CDH13: variants seen among roughly 807,000 people sequenced by gnomAD.
The protein encoded by CDH13 is cadherin-13.
CDH13 carries 24 observed loss-of-function variants against 63.8 expected under a neutral mutation model. The ratio of observed to expected loss-of-function variants is 0.38; its 90% CI spans 0.27 to 0.53. The LOEUF (loss-of-function observed/expected upper bound fraction) is 0.53, where lower values mean the gene tolerates loss of function less well. Ranked by LOEUF, CDH13 falls within the 20% of genes least tolerant of loss-of-function variation. CDH13 has a pLI of 0.85. For missense variants in CDH13, 1,049 were observed against 903.1 expected, an observed-to-expected ratio of 1.16 and a Z score of -2.07; for synonymous variants, 503 against 355.3, an observed-to-expected ratio of 1.42 and a Z score of -4.67.
intron 5 of CDH13, among the ~76,000 whole-genome samples, chr16:83,322,969 C>A (rs1276715525): frequency 6.6e-6 from 1 of 152,090 alleles, no homozygotes; most frequent in Non-Finnish European, 1.5e-5. Context: ...CCCCATGGAA[C>A]ATACTACTCT....
At chr16:83,576,347 C>G (rs540576480) in intron 7 of CDH13, among the ~76,000 whole-genome samples, 7 of 152,326 alleles carry the variant, frequency 4.6e-5, no homozygotes, top group African/African-American at 1.2e-4. Flanking sequence ...TATTTCATCC[C>G]TTTTTATGGC....
At chr16:83,195,599 G>C (rs1326791379) in intron 4 of CDH13, among the ~76,000 whole-genome samples, 1 of 152,016 alleles carries the variant, frequency 6.6e-6, no homozygotes, top group East Asian at 1.9e-4. Context: ...CCACTAATGA[G>C]GAAACCCCCC....
chr16:83,523,098 A>G lies in CDH13; in HGVS notation c.960+36443A>G, dbSNP rs370323161. 6.6e-5 allele frequency among the ~76,000 whole-genome samples: 10 copies of G among 152,268 alleles called. No individual in the cohort carries two copies. The East Asian group carries it at 1.5e-3, about 23-fold the overall frequency. On this transcript the variant is annotated intron_variant, in intron 7 of 13. Transcript: ENST00000567109. Reference sequence around the variant, plus strand: ...CCTCCCTATTCCACCCTCCTCTGGTACCCCTTTTATAGGTGCTTCTTCCTC... The same window carrying G: ...CCTCCCTATTCCACCCTCCTCTGGTGCCCCTTTTATAGGTGCTTCTTCCTC...
chr16:82,643,483 CT>C (rs1909676418), intron 1 of CDH13, among the ~76,000 whole-genome samples: 2 of 152,222 alleles, frequency 1.3e-5, no homozygotes, highest in African/African-American at 4.8e-5. Context: ...AAGACCCAGG[CT>C]GTTTGGGTCT....
chr16:83,001,248 C>T (rs183881335), intron 2 of CDH13, among the ~76,000 whole-genome samples: 1 of 152,336 alleles, frequency 6.6e-6, no homozygotes, highest in Admixed American at 6.5e-5. Flanking sequence ...TTCGCAATTC[C>T]ATCTTCTTAA....
chr16:82,877,464 T>G (rs367789013), intron 2 of CDH13, among the ~76,000 whole-genome samples: 4 of 152,174 alleles, frequency 2.6e-5, no homozygotes, highest in African/African-American at 9.7e-5. Flanking sequence ...TACGCCATGT[T>G]GATTTAGGTG....
intron 9 of CDH13, among the ~76,000 whole-genome samples, chr16:83,676,909 G>A (rs910045756): frequency 5.9e-5 from 9 of 152,164 alleles, no homozygotes; most frequent in African/African-American, 2.2e-4. Context: ...CAGCATCAAC[G>A]GTCCTTATCT....
chr16:82,840,732 A>T (rs1054395674), intron 1 of CDH13, among the ~76,000 whole-genome samples: 2 of 151,934 alleles, frequency 1.3e-5, no homozygotes, highest in African/African-American at 2.4e-5. Context: ...GAGCAGGCTA[A>T]TTCAGGTTCC....
At chr16:83,382,415 C>A (rs891578874) in intron 6 of CDH13, among the ~76,000 whole-genome samples, 2 of 152,118 alleles carry the variant, frequency 1.3e-5, no homozygotes. Context: ...ACGAACAGAA[C>A]AAAGAACTTC....
intron 5 of CDH13, among the ~76,000 whole-genome samples, chr16:83,257,796 G>C (rs1405598818): frequency 6.6e-6 from 1 of 152,198 alleles, no homozygotes; most frequent in African/African-American, 2.4e-5. Context: ...TGATGGGATT[G>C]CTGGGTTGAA....
intron 6 of CDH13, among the ~76,000 whole-genome samples, chr16:83,432,364 T>C (rs577927031): frequency 1.3e-5 from 2 of 152,264 alleles, no homozygotes; most frequent in East Asian, 3.9e-4. Flanking sequence ...ACCCCAATGG[T>C]AGTTAATATA....
In CDH13 at chr16:83,217,753, G is replaced by A. The variant is rs150759004; in HGVS notation, c.636+256G>A. Among the ~76,000 whole-genome samples the A allele has an allele frequency of 5.8e-4, 89 of 152,210 alleles. 1 individual carries two copies. Among genetic ancestry groups the A allele is most frequent in the African/African-American group, 2.0e-3 (84 of 41,532 alleles). ...AGAGACCAAGAAGGGAGACCCTGGG[G>A]GCATCTCAGAGGAGGTCAGAACCCT... On this transcript the variant is annotated intron_variant, in intron 5 of 13. Transcript: ENST00000567109.
chr16:83,084,083 G>T (rs952440018), intron 3 of CDH13, among the ~76,000 whole-genome samples: 14 of 152,188 alleles, frequency 9.2e-5, no homozygotes, highest in African/African-American at 3.4e-4. Flanking sequence ...AAATCCTAAT[G>T]TGGCAAAAAC....
chr16:82,721,659 T>C (rs191816455), intron 1 of CDH13, among the ~76,000 whole-genome samples: 1 of 152,304 alleles, frequency 6.6e-6, no homozygotes, highest in Non-Finnish European at 1.5e-5. Flanking sequence ...TGGCAAGAAA[T>C]GTACTTTGAC....
intron 1 of CDH13, among the ~76,000 whole-genome samples, chr16:82,737,726 T>G (rs536029721): frequency 6.6e-6 from 1 of 152,334 alleles, no homozygotes; most frequent in Non-Finnish European, 1.5e-5. Flanking sequence ...TTCCCCATAC[T>G]TTTTTCTCCT....
intron 8 of CDH13, among the ~76,000 whole-genome samples, chr16:83,647,221 A>C (rs1223353754): frequency 6.6e-6 from 1 of 151,566 alleles, no homozygotes; most frequent in Non-Finnish European, 1.5e-5. Context: ...GAGGCAGGAG[A>C]ATGGCATGAA....
At chr16:83,426,060 T>C (rs1028746833) in intron 6 of CDH13, among the ~76,000 whole-genome samples, 2 of 152,166 alleles carry the variant, frequency 1.3e-5, no homozygotes, top group Non-Finnish European at 2.9e-5. Flanking sequence ...ACTTCTTAAC[T>C]CCAATGTTTC....
chr16:83,404,356 A>T (rs952276595), intron 6 of CDH13, among the ~76,000 whole-genome samples: 2 of 152,198 alleles, frequency 1.3e-5, no homozygotes, highest in Non-Finnish European at 2.9e-5. Flanking sequence ...TCTTCTCCCA[A>T]CACATCTATC....
chr16:83,046,881 T>C (rs937738928), intron 3 of CDH13, among the ~76,000 whole-genome samples: 6 of 152,170 alleles, frequency 3.9e-5, no homozygotes, highest in African/African-American at 1.4e-4. Context: ...TTCTGTCTTC[T>C]GCCAATCAGA....
Sources: gnomAD v4.1 joint callset for allele counts (sites outside exome capture counted in the v4.1 genomes callset) on GRCh38, gnomAD v4.1.1 for gene constraint, MANE v1.5 for transcripts, NCBI Gene and HGNC (gene_info 2026-07-23, HGNC 2026-07-21) for gene names.